The following ASCC3 variants were observed in gnomAD, a reference collection of about 807,000 sequenced individuals.
The protein encoded by ASCC3 is ASC-1 complex subunit P200.
Under a neutral mutation model 256.3 loss-of-function variants are expected in ASCC3, and 158 were observed. The ratio of observed to expected loss-of-function variants is 0.62; its 90% CI spans 0.54 to 0.70. ASCC3 has a LOEUF of 0.70. Among genes scored for constraint, ASCC3 ranks in the 30% least tolerant of loss-of-function variants. The probability of loss-of-function intolerance (pLI) is 0.00; values close to 1 mark genes in which losing one functional copy is unlikely to be tolerated. For missense variants in ASCC3, 2,259 were observed against 2,626.0 expected (o/e 0.86, Z 3.05); for synonymous variants, 948 against 883.4 (o/e 1.07, Z -1.30).
intron 34 of ASCC3, among the ~76,000 whole-genome samples, chr6:100,596,814 C>G (rs558780205): frequency 2.1e-4 from 32 of 152,264 alleles, no homozygotes; most frequent in Non-Finnish European, 4.4e-4. Context: ...GCTCAAAACT[C>G]TGCAATGGTT....
At chr6:100,799,625 C>T (rs1176321542) in intron 6 of ASCC3, 53 bp from the exon 7 acceptor site, 20 of 1,574,776 alleles carry the variant, frequency 1.3e-5, no homozygotes, top group Non-Finnish European at 1.6e-5. Context: ...AAAGGTAATG[C>T]ATACACCAAA....
At chr6:100,770,197 T>C (rs982663592) in intron 8 of ASCC3, among the ~76,000 whole-genome samples, 6 of 151,908 alleles carry the variant, frequency 3.9e-5, no homozygotes, top group African/African-American at 9.7e-5. Flanking sequence ...ACATAATACA[T>C]CACAGAAAAA....
intron 34 of ASCC3, among the ~76,000 whole-genome samples, chr6:100,597,096 C>T (rs1426591780): frequency 6.6e-6 from 1 of 152,160 alleles, no homozygotes; most frequent in Non-Finnish European, 1.5e-5. Context: ...GCTGAAATAT[C>T]AGCACCCTTA....
intron 10 of ASCC3, among the ~76,000 whole-genome samples, chr6:100,730,173 C>G (rs1779835446): frequency 6.6e-6 from 1 of 151,864 alleles, no homozygotes; most frequent in Non-Finnish European, 1.5e-5. Context: ...TGTGGTTGCA[C>G]ATGCCTGTAG....
At chr6:100,673,179 G>A (rs1281419739) in intron 14 of ASCC3, among the ~76,000 whole-genome samples, 1 of 151,996 alleles carries the variant, frequency 6.6e-6, no homozygotes, top group Non-Finnish European at 1.5e-5. Context: ...ATTCCAGAGA[G>A]AGGACCCTAA....
intron 13 of ASCC3, among the ~76,000 whole-genome samples, chr6:100,694,296 A>G (rs1777973735): frequency 1.3e-5 from 2 of 150,660 alleles, no homozygotes; most frequent in Admixed American, 1.3e-4. Flanking sequence ...GGGAGACCCC[A>G]TCTCTAGAAT....
At chr6:100,769,886 C>T (rs1368699966) in intron 8 of ASCC3, among the ~76,000 whole-genome samples, 2 of 151,644 alleles carry the variant, frequency 1.3e-5, no homozygotes, top group Non-Finnish European at 2.9e-5. Flanking sequence ...TGCCAAAGCT[C>T]ACTCAAAAAC....
At chr6:100,608,067 T>TAC (rs1773007106) in intron 30 of ASCC3, among the ~76,000 whole-genome samples, 1 of 117,934 alleles carries the variant, frequency 8.5e-6, no homozygotes, top group African/African-American at 3.2e-5. Context: ...TACACATATA[T>TAC]ATACATATAT....
chr6:100,845,219 A>G (rs1311667993), intron 4 of ASCC3, among the ~76,000 whole-genome samples: 1 of 152,156 alleles, frequency 6.6e-6, no homozygotes, highest in Non-Finnish European at 1.5e-5. Flanking sequence ...ACTCCAGACA[A>G]ATTTCCCAAC....
intron 1 of ASCC3, among the ~76,000 whole-genome samples, chr6:100,871,620 A>G (rs1166276174): frequency 6.6e-6 from 1 of 152,110 alleles, no homozygotes; most frequent in Non-Finnish European, 1.5e-5. Context: ...AATTTTAAAA[A>G]GCCAGGCAAG....
Position 100,601,879 on chromosome 6 carries a change from G to C in ASCC3, c.5234C>G (p.Thr1745Arg), listed in dbSNP as rs1407955704. The C allele has an allele frequency of 6.2e-7, 1 of 1,612,522 alleles. No homozygotes were observed. Among genetic ancestry groups the C allele is most frequent in the Admixed American group, 1.7e-5 (1 of 59,982 alleles). Residue 1745 changes from threonine (T) to arginine (R), a missense_variant, in exon 34 of 42, where the codon ACA becomes AGA. By Grantham distance (71) the Thr-to-Arg change is moderately conservative. Coordinates refer to ENST00000369162, the MANE Select transcript of ASCC3 (RefSeq NM_006828.4). ...ATAATCCAATGCATCTTGCTTAGAT[G>C]TAATTGTACCACCAGCAATCTCTGC... is the stretch of plus-strand genomic sequence containing the variant. ...LNAEIAGGTI[T>R]SKQDALDYIT...
intron 4 of ASCC3, among the ~76,000 whole-genome samples, chr6:100,834,370 C>A (rs1193852110): frequency 6.6e-6 from 1 of 152,140 alleles, no homozygotes; most frequent in African/African-American, 2.4e-5. Context: ...AACCCACTGT[C>A]ATTGTGAAAG....
intron 4 of ASCC3, among the ~76,000 whole-genome samples, chr6:100,812,231 A>G (rs554368848): frequency 6.6e-6 from 1 of 152,314 alleles, no homozygotes; most frequent in East Asian, 1.9e-4. Context: ...TCCACAATAT[A>G]TTAACTAAAA....
At chr6:100,563,529 C>T (rs1470482206) in intron 36 of ASCC3, among the ~76,000 whole-genome samples, 2 of 152,024 alleles carry the variant, frequency 1.3e-5, no homozygotes, top group East Asian at 3.9e-4. Flanking sequence ...TGGGTCTTGA[C>T]CAAAGTGTAC....
chr6:100,545,979 T>G (rs1562108886), intron 36 of ASCC3, among the ~76,000 whole-genome samples: 1 of 151,952 alleles, frequency 6.6e-6, no homozygotes, highest in Non-Finnish European at 1.5e-5. Flanking sequence ...AAGGAAGAGG[T>G]ACAACTATCT....
intron 8 of ASCC3, among the ~76,000 whole-genome samples, chr6:100,795,527 T>C (rs1197521188): frequency 1.3e-5 from 2 of 152,150 alleles, no homozygotes; most frequent in African/African-American, 4.8e-5. Flanking sequence ...TTGTCACCCT[T>C]GCTTGCTTTG....
At chr6:100,623,198 C>A (rs1336486433) in intron 30 of ASCC3, among the ~76,000 whole-genome samples, 1 of 151,910 alleles carries the variant, frequency 6.6e-6, no homozygotes, top group Non-Finnish European at 1.5e-5. Context: ...TTAAATAATA[C>A]AGGATAAAAA....
intron 36 of ASCC3, among the ~76,000 whole-genome samples, chr6:100,580,819 G>A (rs1007399947): frequency 6.2e-5 from 9 of 145,656 alleles, no homozygotes; most frequent in African/African-American, 2.3e-4. Flanking sequence ...ACCTATGAGT[G>A]AGAATATGCG....
intron 13 of ASCC3, among the ~76,000 whole-genome samples, chr6:100,681,323 A>C (rs1024251053): frequency 6.6e-6 from 1 of 152,194 alleles, no homozygotes; most frequent in African/African-American, 2.4e-5. Context: ...CATCAGGAGA[A>C]ATTTAATCAG....
Sources: allele counts gnomAD v4.1 joint callset (sites outside exome capture counted in the v4.1 genomes callset), GRCh38; gene constraint gnomAD v4.1.1; transcripts MANE v1.5; gene names NCBI Gene and HGNC (gene_info 2026-07-23, HGNC 2026-07-21).